The following ABCB9 variants were observed in gnomAD, a reference collection of about 807,000 sequenced individuals.
ABCB9 encodes the protein ABC-type oligopeptide transporter ABCB9.
A neutral mutation model predicts 62.0 loss-of-function variants in ABCB9; 36 were observed. The ratio of observed to expected loss-of-function variants is 0.58; its 90% CI spans 0.45 to 0.77. The LOEUF (loss-of-function observed/expected upper bound fraction) is 0.77. Among genes scored for constraint, ABCB9 ranks in the 30% least tolerant of loss-of-function variants. The pLI is 0.00. For missense variants in ABCB9, 943 were observed against 1,054.7 expected (o/e 0.89, Z 1.47); for synonymous variants, 435 against 461.4 (o/e 0.94, Z 0.73).
In ABCB9 at chr12:122,929,608, G is replaced by C; in HGVS notation, c.*303C>G. 1 of 1,192,142 alleles carries C rather than the reference G, an allele frequency of 8.4e-7. No homozygotes were observed. The highest frequency in any genetic ancestry group is 1.0e-6 in the Non-Finnish European group (1 of 962,816). 73.8% of individuals were successfully genotyped at this position (1,192,142 alleles called of 1,614,324 possible). A position where few individuals can be genotyped will look rare whatever the true frequency, so the allele number is the denominator to read the frequency against. On this transcript the variant is annotated 3_prime_UTR_variant, in exon 12 of 12. Transcript: ENST00000280560. The surrounding 1 kb of genome is among the most constrained non-coding windows in gnomAD (Gnocchi z 6.0). ...TTTTGAAATCTAGGAGTTGACTGGG[G>C]TGCCTCAAACCAAACAGTAAAAACC... is the stretch of plus-strand genomic sequence containing the variant.
rs375293013 is a variant in ABCB9, at chr12:122,938,777, G to A, written c.1743+1334C>T. On this transcript the variant is annotated intron_variant, in intron 9 of 11. Coordinates refer to ENST00000280560, the MANE Select transcript of ABCB9 (RefSeq NM_019625.4). ...CGGGAGGTGGAGCTTGCAATGAGCCGAGATCGTGCCACTGCACTCCAGCCT... is the reference window on the plus strand; with the variant it reads ...CGGGAGGTGGAGCTTGCAATGAGCCAAGATCGTGCCACTGCACTCCAGCCT... Among the ~76,000 whole-genome samples, 76 of 151,926 alleles carry A rather than the reference G, an allele frequency of 5.0e-4. 1 individual carries two copies. The East Asian group carries it at 6.8e-3, about 14-fold the overall frequency.
rs57591816 is a variant in ABCB9 at position 122,973,593 on chromosome 12, A to C, written c.-88+1122T>G. ...CTCAAAAAAAGAAAAAAAAAAAAAAAAAAAAAAAAAAAAAAACAAAAACTT... is the reference window on the plus strand; with the variant it reads ...CTCAAAAAAAGAAAAAAAAAAAAAACAAAAAAAAAAAAAAAACAAAAACTT... On this transcript the variant is annotated intron_variant, in intron 1 of 11. Coordinates refer to the ABCB9 transcript ENST00000392439. Among the ~76,000 whole-genome samples the C allele has an allele frequency of 6.1e-3, 831 of 137,182 alleles. 9 individuals are homozygous for C. The highest frequency in any genetic ancestry group is 9.2e-3 in the Non-Finnish European group (604 of 65,406). 90.0% of individuals were successfully genotyped at this position (137,182 alleles called of 152,430 possible).
intron 5 of ABCB9, 31 bp from the exon 6 acceptor site, chr12:122,946,253 G>T (rs1566175358): frequency 6.2e-7 from 1 of 1,612,980 alleles, no homozygotes. Context: ...AGAAGGAGAA[G>T]ACCCCAAAAC....
chr12:122,925,515 G>A (rs2034875686), downstream of ABCB9, among the ~76,000 whole-genome samples: 3 of 152,130 alleles, frequency 2.0e-5, no homozygotes, highest in African/African-American at 4.8e-5. Context: ...TTGGGAGGCC[G>A]AGATGGGTGG....
In ABCB9 at chr12:122,930,046, G is replaced by A. The variant is rs1038273184; in HGVS notation, c.2166C>T (p.Gly722=). 6.4e-7 allele frequency: 1 copy of A among 1,571,692 alleles called. No individual in the cohort carries two copies. The highest frequency in any genetic ancestry group is 8.6e-7 in the Non-Finnish European group (1 of 1,159,324). Residue 722 remains glycine, a synonymous_variant, in exon 12 of 12, where the codon GGC becomes GGT. Coordinates refer to ENST00000280560, the MANE Select transcript of ABCB9 (RefSeq NM_019625.4). The surrounding 1 kb of genome is among the most constrained non-coding windows in gnomAD (Gnocchi z 4.9). ...CCTGGGCCAGCAGCTGCTGGTGGGT[G>A]CCCTGCTGCACTACGCGGCCCTTGT... is the stretch of plus-strand genomic sequence containing the variant. ...VLDKGRVVQQ[G]THQQLLAQGG...
chr12:122,960,801 T>C (rs2036852792), intron 1 of ABCB9, among the ~76,000 whole-genome samples: 2 of 151,540 alleles, frequency 1.3e-5, no homozygotes, highest in Non-Finnish European at 2.9e-5. Flanking sequence ...AATGTGTGTC[T>C]TGTGAGGCCA....
rs2035117623 is a variant in ABCB9 at position 122,930,843 on chromosome 12, T to C, written c.2041-672A>G. On this transcript the variant is annotated intron_variant, in intron 11 of 11. Coordinates refer to ENST00000280560, the MANE Select transcript of ABCB9 (RefSeq NM_019625.4). This position sits in a 1 kb window ranked among gnomAD's most constrained non-coding sequence, Gnocchi z 4.9. The stretch of plus-strand genomic sequence containing the variant: ...CTGAGAAGAGCTCAGTAACTCTCTG[T>C]GTAACAAATGAATCAATCCGCGCAT... Among the ~76,000 whole-genome samples the C allele has an allele frequency of 6.6e-6, 1 of 152,074 alleles. No homozygotes were observed. Among genetic ancestry groups the C allele is most frequent in the South Asian group, 2.1e-4 (1 of 4,816 alleles).
Position 122,940,135 on chromosome 12 carries a change from G to A in ABCB9, c.1719C>T (p.Tyr573=), listed in dbSNP as rs369328306. The change falls in exon 9 of 12, where the codon TAC becomes TAT. Residue 573 remains tyrosine, a synonymous_variant. Coordinates refer to ENST00000280560, the MANE Select transcript of ABCB9 (RefSeq NM_019625.4). The surrounding 1 kb of genome is among the most constrained non-coding windows in gnomAD (Gnocchi z 4.8). ...CCACACGGTGCAAGTACTTGTGGTC[G>A]TAGGCGCTGATGGGCTTGCCGTCCA... is the stretch of plus-strand genomic sequence containing the variant. ...VLLDGKPISA[Y]DHKYLHRVIS... 1.3e-4 allele frequency: 205 copies of A among 1,612,388 alleles called. No homozygotes were observed. In the Admixed American group the frequency reaches 2.5e-3, roughly 20 times the overall value.
At chr12:122,933,204 C>T (rs766800553) in intron 10 of ABCB9, among the ~76,000 whole-genome samples, 15 of 152,178 alleles carry the variant, frequency 9.9e-5, no homozygotes, top group Non-Finnish European at 2.1e-4. Context: ...GCCACCAGTT[C>T]TTTATTATTT....
In ABCB9 at chr12:122,960,620, G is replaced by A. The variant is rs546419945; in HGVS notation, c.-87-298C>T. 1.4e-4 allele frequency among the ~76,000 whole-genome samples: 21 copies of A among 152,198 alleles called. 1 individual carries two copies. The South Asian group carries it at 3.5e-3, about 26-fold the overall frequency. On this transcript the variant is annotated intron_variant, in intron 1 of 11. Transcript: ENST00000280560. ...ATAATAAGGAAATGGGCTCACGCCT[G>A]TAATCCCAGCACTTTGGGAGGCCGA...
At chr12:122,966,774 G>C (rs1280403094), upstream of ABCB9, among the ~76,000 whole-genome samples, 1 of 152,186 alleles carries the variant, frequency 6.6e-6, no homozygotes, top group Non-Finnish European at 1.5e-5. Context: ...ATCCTGAGGG[G>C]ACGGAAATGG....
rs998656115 is a variant in ABCB9, at chr12:122,940,631, C to T, written c.1569+176G>A. Among the ~76,000 whole-genome samples, 1 of 152,136 alleles carries T rather than the reference C, an allele frequency of 6.6e-6. No individual in the cohort carries two copies. The highest frequency in any genetic ancestry group is 2.4e-5 in the African/African-American group (1 of 41,428). ...CTATTTTCTTTCTAGCACTTATTAT[C>T]GGGAATCATTCTGTTAAGTATCTGT... On this transcript the variant is annotated intron_variant, in intron 8 of 11. Coordinates refer to ENST00000280560, the MANE Select transcript of ABCB9 (RefSeq NM_019625.4). The surrounding 1 kb of genome is among the most constrained non-coding windows in gnomAD (Gnocchi z 4.8).
At chr12:122,969,474 G>C (rs1011334630), upstream of ABCB9, among the ~76,000 whole-genome samples, 1 of 152,206 alleles carries the variant, frequency 6.6e-6, no homozygotes, top group African/African-American at 2.4e-5. Flanking sequence ...GGAAGTCCAG[G>C]CAATGTGGCT....
At chr12:122,945,552 A>G (rs2035986525) in intron 6 of ABCB9, among the ~76,000 whole-genome samples, 1 of 152,204 alleles carries the variant, frequency 6.6e-6, no homozygotes, top group South Asian at 2.1e-4. Context: ...ACCCCACGTC[A>G]GGTGACTGGG....
chr12:122,973,568 C>T lies in ABCB9; in HGVS notation c.-88+1147G>A, dbSNP rs1310112906. 1.9e-4 allele frequency among the ~76,000 whole-genome samples: 15 copies of T among 79,964 alleles called. 1 individual carries two copies. The South Asian group carries it at 8.4e-3, about 45-fold the overall frequency. 52.5% of individuals were successfully genotyped at this position (79,964 alleles called of 152,430 possible). A position where few individuals can be genotyped will look rare whatever the true frequency, so the allele number is the denominator to read the frequency against. ...CCTGGGCGACAGAGCGAGACTCCGT[C>T]TCAAAAAAAGAAAAAAAAAAAAAAA... On this transcript the variant is annotated intron_variant, in intron 1 of 11. Coordinates refer to the ABCB9 transcript ENST00000392439.
chr12:122,933,514 A>G (rs1319728731), intron 10 of ABCB9, among the ~76,000 whole-genome samples: 1 of 151,974 alleles, frequency 6.6e-6, no homozygotes, highest in Non-Finnish European at 1.5e-5. Flanking sequence ...AGATCGCGCC[A>G]CTGCACTCCA....
Position 122,944,725 on chromosome 12 carries a change from G to T in ABCB9, c.1252-206C>A. 1.7e-6 allele frequency: 1 copy of T among 605,026 alleles called. No homozygotes were observed. Among genetic ancestry groups the T allele is most frequent in the Non-Finnish European group, 2.7e-6 (1 of 365,068 alleles). 37.5% of individuals were successfully genotyped at this position (605,026 alleles called of 1,614,324 possible). On this transcript the variant is annotated intron_variant, in intron 6 of 11. Transcript: ENST00000280560. This position sits in a 1 kb window ranked among gnomAD's most constrained non-coding sequence, Gnocchi z 4.9. ...CATTTCCCTACAGAGGCCTCCAGCTGGAGCAGGCTGTGGGCTTGGCCACAG... is the reference window on the plus strand; with the variant it reads ...CATTTCCCTACAGAGGCCTCCAGCTTGAGCAGGCTGTGGGCTTGGCCACAG...
downstream of ABCB9, among the ~76,000 whole-genome samples, chr12:122,925,217 G>A (rs566439257): frequency 1.6e-4 from 25 of 152,188 alleles, no homozygotes; most frequent in African/African-American, 4.6e-4. Flanking sequence ...CACTGTTCCC[G>A]GCCCTGGATG....
chr12:122,930,865 G>A lies in ABCB9; in HGVS notation c.2041-694C>T, dbSNP rs561438725. ...CTGTGTAACAAATGAATCAATCCGC[G>A]CATAGACTGAGGTTGCTAGCCATCT... On this transcript the variant is annotated intron_variant, in intron 11 of 11. Transcript: ENST00000280560. The surrounding 1 kb of genome is among the most constrained non-coding windows in gnomAD (Gnocchi z 4.9). 1.8e-4 allele frequency among the ~76,000 whole-genome samples: 27 copies of A among 152,178 alleles called. 1 individual carries two copies. In the South Asian group the frequency reaches 3.5e-3, roughly 20 times the overall value.
Sources: allele counts gnomAD v4.1 joint callset (sites outside exome capture counted in the v4.1 genomes callset), GRCh38; gene constraint gnomAD v4.1.1; non-coding constraint Gnocchi (gnomAD v3.1); transcripts MANE v1.5; gene names NCBI Gene and HGNC (gene_info 2026-07-23, HGNC 2026-07-21).